PDE4D: variants seen among roughly 807,000 people sequenced by gnomAD.
The protein encoded by PDE4D is phosphodiesterase 4D.
Under a neutral mutation model 87.4 loss-of-function variants are expected in PDE4D, and 24 were observed. The ratio of observed to expected loss-of-function variants is 0.27; its 90% confidence interval spans 0.20 to 0.39. The LOEUF is 0.39. Among genes scored for constraint, PDE4D ranks in the 10% least tolerant of loss-of-function variants. The pLI is 1.00. For synonymous variants in PDE4D, 384 were observed against 383.2 expected (o/e 1.00, Z -0.02); for missense variants, 714 against 1,041.0 (o/e 0.69, Z 4.32).
chr5:60,106,578 C>T (rs1343468717), intron 2 of PDE4D, among the ~76,000 whole-genome samples: 9 of 151,338 alleles, frequency 5.9e-5, no homozygotes, highest in Non-Finnish European at 8.9e-5. Flanking sequence ...CCACACCACA[C>T]CTATTCCAAA....
intron 5 of PDE4D, among the ~76,000 whole-genome samples, chr5:59,080,557 T>C (rs1392648322): frequency 6.6e-6 from 1 of 152,094 alleles, no homozygotes; most frequent in African/African-American, 2.4e-5. Context: ...CACTCGCTAC[T>C]CAAAAACTGT....
At chr5:59,767,151 T>C (rs950301653) in intron 1 of PDE4D, among the ~76,000 whole-genome samples, 1 of 105,362 alleles carries the variant, frequency 9.5e-6, no homozygotes, top group Non-Finnish European at 2.4e-5. Context: ...TTGTTTCTGC[T>C]TTTTTTTTCC....
chr5:60,300,618 G>T (rs1450538909), intron 1 of PDE4D, among the ~76,000 whole-genome samples: 1 of 152,038 alleles, frequency 6.6e-6, no homozygotes, highest in East Asian at 1.9e-4. Context: ...TTCTGCATAT[G>T]GCTAGCCCGT....
chr5:59,367,615 T>A (rs1255814884), intron 1 of PDE4D, among the ~76,000 whole-genome samples: 1 of 152,190 alleles, frequency 6.6e-6, no homozygotes, highest in African/African-American at 2.4e-5. Flanking sequence ...ATTGGTGAGA[T>A]GTAAAGTAGT....
intron 1 of PDE4D, among the ~76,000 whole-genome samples, chr5:59,385,091 C>A (rs1013106179): frequency 6.6e-6 from 1 of 152,102 alleles, no homozygotes; most frequent in African/African-American, 2.4e-5. Context: ...CTATCAATTT[C>A]ATTTTCTCTT....
At chr5:59,751,574 G>GGTGTGTGC (rs1554076412) in intron 1 of PDE4D, among the ~76,000 whole-genome samples, 3 of 142,630 alleles carry the variant, frequency 2.1e-5, no homozygotes, top group Non-Finnish European at 4.6e-5. Context: ...ATAAATCCCT[G>GGTGTGTGC]GTGTGTGTGT....
At chr5:59,167,191 G>A (rs1230456567) in intron 5 of PDE4D, among the ~76,000 whole-genome samples, 1 of 152,168 alleles carries the variant, frequency 6.6e-6, no homozygotes, top group Non-Finnish European at 1.5e-5. Context: ...CACACGTAAA[G>A]TGGGTGAGCA....
intron 1 of PDE4D, among the ~76,000 whole-genome samples, chr5:60,270,721 A>G (rs1324033319): frequency 4.0e-5 from 2 of 49,840 alleles, no homozygotes; most frequent in Non-Finnish European, 7.9e-5. Context: ...TAGGAATGAT[A>G]AAGTAGAGAT....
At chr5:60,108,141 G>C (rs1048181793) in intron 2 of PDE4D, among the ~76,000 whole-genome samples, 36 of 151,780 alleles carry the variant, frequency 2.4e-4, no homozygotes, top group African/African-American at 5.8e-4. Flanking sequence ...TCCTTAAGCT[G>C]ATAAGCAACT....
At chr5:59,921,592 G>A (rs182323555) in intron 3 of PDE4D, among the ~76,000 whole-genome samples, 1 of 152,298 alleles carries the variant, frequency 6.6e-6, no homozygotes, top group Admixed American at 6.5e-5. Flanking sequence ...ATTGCTGGTT[G>A]CTGGTTAAAT....
intron 1 of PDE4D, among the ~76,000 whole-genome samples, chr5:60,426,078 TTGG>T (rs1743685693): frequency 6.6e-6 from 1 of 152,102 alleles, no homozygotes; most frequent in South Asian, 2.1e-4. Flanking sequence ...GCCTTTACAC[TTGG>T]TGGGAGTGTA....
chr5:60,201,042 G>A (rs1397594830), intron 1 of PDE4D, among the ~76,000 whole-genome samples: 1 of 148,570 alleles, frequency 6.7e-6, no homozygotes, highest in Admixed American at 6.7e-5. Flanking sequence ...GCCGGGAGCA[G>A]CAGAAAAATA....
At chr5:60,422,693 A>G (rs1743241311) in intron 1 of PDE4D, among the ~76,000 whole-genome samples, 1 of 152,220 alleles carries the variant, frequency 6.6e-6, no homozygotes, top group African/African-American at 2.4e-5. Flanking sequence ...CACACATAAC[A>G]ATATTAACCT....
chr5:59,392,427 G>A (rs1365999649), intron 1 of PDE4D, among the ~76,000 whole-genome samples: 1 of 151,404 alleles, frequency 6.6e-6, no homozygotes, highest in African/African-American at 2.4e-5. Flanking sequence ...TCAGCCTACA[G>A]ATGGCCTATT....
chr5:59,578,680 T>C (rs1487960907), intron 1 of PDE4D, among the ~76,000 whole-genome samples: 1 of 152,134 alleles, frequency 6.6e-6, no homozygotes, highest in Non-Finnish European at 1.5e-5. Flanking sequence ...CTTTCTGAGA[T>C]GTGATCTTGA....
intron 1 of PDE4D, among the ~76,000 whole-genome samples, chr5:59,777,759 T>C (rs1356056811): frequency 2.0e-5 from 3 of 152,226 alleles, no homozygotes; most frequent in East Asian, 1.9e-4. Context: ...GCTGATATTA[T>C]AATAAATCAT....
chr5:60,460,383 C>G, intron 1 of PDE4D: 1 of 1,031,188 alleles, frequency 9.7e-7, no homozygotes, highest in Non-Finnish European at 1.5e-6. Context: ...CAACTCTGCT[C>G]AAATAATGCA....
upstream of PDE4D, among the ~76,000 whole-genome samples, chr5:59,896,196 T>G (rs2152758871): frequency 6.6e-6 from 1 of 152,304 alleles, no homozygotes; most frequent in Non-Finnish European, 1.5e-5. Context: ...CTTCACAGAA[T>G]TTTGCAATTA....
intron 1 of PDE4D, among the ~76,000 whole-genome samples, chr5:60,270,350 C>T (rs951761892): frequency 6.6e-6 from 1 of 152,288 alleles, no homozygotes; most frequent in Admixed American, 6.5e-5. Context: ...TCTCTTTGCT[C>T]TTGAATGTTC....
Sources: allele counts gnomAD v4.1 joint callset (sites outside exome capture counted in the v4.1 genomes callset), GRCh38; gene constraint gnomAD v4.1.1; transcripts MANE v1.5; gene names NCBI Gene and HGNC (gene_info 2026-07-23, HGNC 2026-07-21).